Variants in RBFOX1 observed in about 807,000 individuals in gnomAD.
RBFOX1 encodes the protein RNA binding protein fox-1 homolog 1.
RBFOX1 carries 8 observed loss-of-function variants against 57.7 expected under a neutral mutation model. The observed-to-expected ratio is 0.14, with a 90% confidence interval of 0.08 to 0.25. RBFOX1 has a LOEUF of 0.25. Among genes scored for constraint, RBFOX1 ranks in the 10% least tolerant of loss-of-function variants. RBFOX1 has a pLI of 1.00. For synonymous variants in RBFOX1, 326 were observed against 222.4 expected, an observed-to-expected ratio of 1.47 and a Z score of -4.15; for missense variants, 611 against 548.5, an observed-to-expected ratio of 1.11 and a Z score of -1.14.
chr16:6,518,876 C>T (rs2096444905), intron 2 of RBFOX1, among the ~76,000 whole-genome samples: 1 of 151,322 alleles, frequency 6.6e-6, no homozygotes, highest in Non-Finnish European at 1.5e-5. Context: ...GCAAACGTGC[C>T]CCGTTCTTCC....
chr16:5,723,867 C>G (rs1179175508), intron 3 of RBFOX1, among the ~76,000 whole-genome samples: 1 of 152,242 alleles, frequency 6.6e-6, no homozygotes, highest in Non-Finnish European at 1.5e-5. Flanking sequence ...GTTTTCCTTA[C>G]AGCAAAGTCG....
intron 4 of RBFOX1, among the ~76,000 whole-genome samples, chr16:7,234,046 A>C (rs1302549581): frequency 6.6e-6 from 1 of 152,196 alleles, no homozygotes; most frequent in East Asian, 1.9e-4. Flanking sequence ...TTACATTATC[A>C]TGAGAAGAGA....
chr16:7,620,353 C>G (rs191246402), intron 10 of RBFOX1, among the ~76,000 whole-genome samples: 4 of 152,266 alleles, frequency 2.6e-5, no homozygotes, highest in Admixed American at 2.6e-4. Flanking sequence ...AACTCAACTT[C>G]CAGTCAGCAA....
intron 1 of RBFOX1, among the ~76,000 whole-genome samples, chr16:6,253,259 T>TATC (rs2097635705): frequency 6.6e-6 from 1 of 152,206 alleles, no homozygotes; most frequent in Admixed American, 6.5e-5. Flanking sequence ...TGATTGACTT[T>TATC]CACCTAACAG....
chr16:6,092,549 A>G (rs1462863193), intron 1 of RBFOX1: 1 of 152,212 alleles, frequency 6.6e-6, no homozygotes, highest in Admixed American at 6.5e-5. Context: ...AATTACCATC[A>G]TGAGTTTATT....
chr16:7,123,751 T>C (rs1220674091), intron 4 of RBFOX1, among the ~76,000 whole-genome samples: 4 of 152,230 alleles, frequency 2.6e-5, no homozygotes. Context: ...TATTGTATGA[T>C]GATACTTTAC....
intron 3 of RBFOX1, among the ~76,000 whole-genome samples, chr16:6,891,365 G>C: frequency 6.6e-6 from 1 of 152,188 alleles, no homozygotes; most frequent in East Asian, 1.9e-4. Flanking sequence ...ATAAGATACA[G>C]ACACTAAATT....
intron 4 of RBFOX1, among the ~76,000 whole-genome samples, chr16:7,208,927 G>C (rs1177313662): frequency 6.6e-6 from 1 of 151,832 alleles, no homozygotes. Flanking sequence ...TCCCTTCCTG[G>C]CGGGCATTAA....
At chr16:6,942,342 AT>A (rs769042026) in intron 3 of RBFOX1, among the ~76,000 whole-genome samples, 5 of 151,724 alleles carry the variant, frequency 3.3e-5, no homozygotes, top group African/African-American at 7.2e-5. Flanking sequence ...TAATTTTTTG[AT>A]TTTTTTTTGT....
At chr16:7,093,992 T>C (rs1029926481) in intron 4 of RBFOX1, among the ~76,000 whole-genome samples, 3 of 151,540 alleles carry the variant, frequency 2.0e-5, no homozygotes, top group East Asian at 1.9e-4. Flanking sequence ...ATAAAAACAA[T>C]GATGTTGTCT....
chr16:7,057,495 G>A (rs1164492173), intron 4 of RBFOX1, among the ~76,000 whole-genome samples: 1 of 152,164 alleles, frequency 6.6e-6, no homozygotes, highest in Non-Finnish European at 1.5e-5. Flanking sequence ...TAAGATGTAT[G>A]TTGCATCGCT....
intron 2 of RBFOX1, among the ~76,000 whole-genome samples, chr16:5,485,647 G>T (rs542706208): frequency 2.0e-5 from 3 of 152,184 alleles, no homozygotes; most frequent in Non-Finnish European, 2.9e-5. Context: ...CTGAGGCTCA[G>T]CAAGGTTAAT....
intron 2 of RBFOX1, among the ~76,000 whole-genome samples, chr16:6,636,846 A>C (rs1452179146): frequency 2.3e-5 from 2 of 87,666 alleles, no homozygotes; most frequent in Non-Finnish European, 4.2e-5. Flanking sequence ...AATATATAAT[A>C]TATATAATAT....
At chr16:5,244,522 C>T (rs534665830) in intron 1 of RBFOX1, among the ~76,000 whole-genome samples, 34 of 152,202 alleles carry the variant, frequency 2.2e-4, no homozygotes, top group Non-Finnish European at 3.2e-4. Context: ...TTGGACCAAC[C>T]TCTGGGTTTT....
chr16:7,225,919 T>TATATATATATATATATAAAA (rs1315130232), intron 4 of RBFOX1, among the ~76,000 whole-genome samples: 9 of 142,144 alleles, frequency 6.3e-5, no homozygotes, highest in African/African-American at 2.4e-4. Flanking sequence ...TATATATATA[T>TATATATATATATATATAAAA]AAATGTGAAT....
intron 3 of RBFOX1, among the ~76,000 whole-genome samples, chr16:6,711,535 T>C (rs929690107): frequency 6.6e-6 from 1 of 152,172 alleles, no homozygotes; most frequent in Admixed American, 6.5e-5. Context: ...CATATGATGG[T>C]TTAAAAGTGT....
intron 2 of RBFOX1, among the ~76,000 whole-genome samples, chr16:6,560,371 T>A (rs2097164411): frequency 3.2e-5 from 1 of 31,096 alleles, no homozygotes; most frequent in Non-Finnish European, 9.6e-4. Context: ...CAATTTTACA[T>A]GAGGAGGAGA....
intron 4 of RBFOX1, among the ~76,000 whole-genome samples, chr16:7,088,453 G>C (rs188203766): frequency 1.3e-5 from 2 of 152,108 alleles, no homozygotes; most frequent in African/African-American, 4.8e-5. Flanking sequence ...GTGTATGTGA[G>C]AGTATATTTT....
At chr16:5,256,202 T>G (rs1480162605) in intron 1 of RBFOX1, among the ~76,000 whole-genome samples, 1 of 152,120 alleles carries the variant, frequency 6.6e-6, no homozygotes, top group Non-Finnish European at 1.5e-5. Flanking sequence ...GAATTGCTGT[T>G]TTAGCTGAGA....
Sources: allele counts gnomAD v4.1 joint callset (sites outside exome capture counted in the v4.1 genomes callset), GRCh38; gene constraint gnomAD v4.1.1; transcripts MANE v1.5; gene names NCBI Gene and HGNC (gene_info 2026-07-23, HGNC 2026-07-21).